DDX42: variants seen among roughly 807,000 people sequenced by gnomAD.
The protein encoded by DDX42 is ATP-dependent RNA helicase DDX42.
In DDX42, 22 loss-of-function variants were observed where a neutral mutation model predicts 101.5. The ratio of observed to expected loss-of-function variants is 0.22; its 90% CI spans 0.15 to 0.31. The LOEUF is 0.31. Ranked by LOEUF, DDX42 falls within the 10% of genes least tolerant of loss-of-function variation. The probability of loss-of-function intolerance (pLI) is 1.00; values close to 1 mark genes in which losing one functional copy is unlikely to be tolerated. For missense variants in DDX42, 849 were observed against 1,199.9 expected, an observed-to-expected ratio of 0.71 and a Z score of 4.32; for synonymous variants, 402 against 401.2, an observed-to-expected ratio of 1.00 and a Z score of -0.02.
intron 2 of DDX42, among the ~76,000 whole-genome samples, chr17:63,789,565 G>GTTTTTTTTTTTT (rs1567733082): frequency 2.8e-5 from 1 of 36,362 alleles, no homozygotes; most frequent in African/African-American, 1.9e-4. Context: ...TTTTGTTTTT[G>GTTTTTTTTTTTT]TTTTTGTTTT....
chr17:63,806,131 C>G (rs1377693669), intron 7 of DDX42: 1 of 154,860 alleles, frequency 6.5e-6, no homozygotes, highest in Non-Finnish European at 1.4e-5. Context: ...TTGGAGCCCA[C>G]TTGGAATTTT....
chr17:63,779,705 T>A (rs1177938501), intron 1 of DDX42, among the ~76,000 whole-genome samples: 2 of 152,242 alleles, frequency 1.3e-5, no homozygotes, highest in South Asian at 2.1e-4. Flanking sequence ...ACTCTTCTAC[T>A]CTGTGTCTCT....
At chr17:63,780,035 G>A (rs2144522076) in intron 1 of DDX42, among the ~76,000 whole-genome samples, 1 of 152,288 alleles carries the variant, frequency 6.6e-6, no homozygotes, top group South Asian at 2.1e-4. Context: ...GGTGGCTCAC[G>A]CCTGTAATCC....
chr17:63,800,619 T>TA lies in DDX42; in HGVS notation c.621+3dup, dbSNP rs2039751234. 6.2e-7 allele frequency: 1 copy of TA among 1,611,308 alleles called. No individual in the cohort carries two copies. Among genetic ancestry groups the TA allele is most frequent in the African/African-American group, 1.3e-5 (1 of 74,802 alleles). ...CTTCCCCCCATTGATCATTCAGAGG[T>TA]ATGGTGTTTCTTGCTGAATTTTACT... On this transcript the variant is annotated splice_region_variant and intron_variant, in intron 6 of 17. Transcript: ENST00000389924.
chr17:63,796,299 T>G (rs1275414725), intron 3 of DDX42, among the ~76,000 whole-genome samples: 1 of 152,206 alleles, frequency 6.6e-6, no homozygotes, highest in Non-Finnish European at 1.5e-5. Context: ...TAAATTCTTT[T>G]GCTTGGCCTT....
intron 7 of DDX42, chr17:63,806,293 T>G (rs2039839257): frequency 3.2e-6 from 1 of 315,246 alleles, no homozygotes; most frequent in Non-Finnish European, 5.6e-6. Flanking sequence ...GTTAAGAAAT[T>G]TTTAATCATT....
chr17:63,800,855 TA>T (rs2039754326), intron 6 of DDX42, among the ~76,000 whole-genome samples: 1 of 152,212 alleles, frequency 6.6e-6, no homozygotes, highest in Non-Finnish European at 1.5e-5. Context: ...CAAGTAATTG[TA>T]CTTGTTTTCC....
chr17:63,816,736 A>G (rs1320815688), intron 16 of DDX42, 132 bp from the exon 17 acceptor site: 1 of 543,220 alleles, frequency 1.8e-6, no homozygotes, highest in Non-Finnish European at 3.1e-6. Flanking sequence ...CTCACAAAGC[A>G]GTAGCAGCTT....
chr17:63,782,591 C>T (rs1229875207), intron 1 of DDX42, among the ~76,000 whole-genome samples: 1 of 152,170 alleles, frequency 6.6e-6, no homozygotes, highest in Non-Finnish European at 1.5e-5. Flanking sequence ...CCTTAGCTTC[C>T]ACACCAATTA....
intron 1 of DDX42, among the ~76,000 whole-genome samples, chr17:63,775,666 T>A (rs2039411755): frequency 6.6e-6 from 1 of 151,540 alleles, no homozygotes; most frequent in South Asian, 2.1e-4. Context: ...CCGTTAAGAG[T>A]GTGAAGACCA....
intron 1 of DDX42, among the ~76,000 whole-genome samples, chr17:63,779,287 G>A (rs908499650): frequency 2.0e-5 from 3 of 151,526 alleles, no homozygotes; most frequent in African/African-American, 7.3e-5. Context: ...TTTTTGAGAC[G>A]CAGTCTCACT....
chr17:63,777,730 G>C (rs2039438494), intron 1 of DDX42, among the ~76,000 whole-genome samples: 1 of 152,182 alleles, frequency 6.6e-6, no homozygotes, highest in Non-Finnish European at 1.5e-5. Context: ...TTACAGGCGT[G>C]AGCCACCGTG....
intron 16 of DDX42, chr17:63,816,590 G>T: frequency 3.9e-6 from 1 of 254,212 alleles, no homozygotes; most frequent in Non-Finnish European, 7.4e-6. Context: ...TTAATTAATT[G>T]GAAGTGTTTA....
intron 16 of DDX42, among the ~76,000 whole-genome samples, chr17:63,816,417 A>G (rs761458511): frequency 8.5e-5 from 13 of 152,236 alleles, no homozygotes; most frequent in Admixed American, 2.0e-4. Context: ...TAATCTTCAA[A>G]ATAACTGAAT....
rs1024857761 is a variant in DDX42, at chr17:63,818,182, C to G, written c.2601C>G (p.Ser867Arg). The G allele has an allele frequency of 5.6e-6, 9 of 1,613,668 alleles. No homozygotes were observed. Among genetic ancestry groups the G allele is most frequent in the Non-Finnish European group, 7.6e-6 (9 of 1,180,010 alleles). ...HRHGENRHGG[S>R]AGRHGENRGA... is the part of the protein sequence containing the mutation. ...ACGGGGAGAACAGACATGGAGGAAG[C>G]GCAGGCCGGCATGGGGAGAACCGGG... Residue 867 changes from serine (S) to arginine (R), a missense_variant, in exon 18 of 18, where the codon AGC becomes AGG. By Grantham distance (110) the Ser-to-Arg change is moderately radical. Around this residue, in one of 5 missense-constraint regions of DDX42, gnomAD observed 300 missense variants for 304.9 expected, o/e 0.98. Transcript: ENST00000389924.
chr17:63,798,896 C>G (rs1471955055), intron 4 of DDX42, among the ~76,000 whole-genome samples: 2 of 152,148 alleles, frequency 1.3e-5, no homozygotes, highest in African/African-American at 4.8e-5. Flanking sequence ...CTGCCCTGCA[C>G]TGGTGGTGTT....
intron 5 of DDX42, 75 bp downstream of exon 5, chr17:63,799,700 C>T: frequency 6.8e-7 from 1 of 1,468,046 alleles, no homozygotes; most frequent in Non-Finnish European, 9.2e-7. Flanking sequence ...TAGAGCTTGC[C>T]TTCACTCAAA....
intron 1 of DDX42, among the ~76,000 whole-genome samples, chr17:63,775,803 G>A (rs906455999): frequency 6.6e-6 from 1 of 152,146 alleles, no homozygotes; most frequent in Non-Finnish European, 1.5e-5. Flanking sequence ...TGAGGGTTTC[G>A]ATCAGAGGAA....
intron 1 of DDX42, among the ~76,000 whole-genome samples, chr17:63,775,801 T>C (rs1471210845): frequency 6.6e-6 from 1 of 152,170 alleles, no homozygotes; most frequent in Admixed American, 6.5e-5. Flanking sequence ...TCTGAGGGTT[T>C]CGATCAGAGG....
Sources: allele counts gnomAD v4.1 joint callset (sites outside exome capture counted in the v4.1 genomes callset), GRCh38; gene constraint gnomAD v4.1.1; regional missense constraint gnomAD v4.1.1; transcripts MANE v1.5; gene names NCBI Gene and HGNC (gene_info 2026-07-23, HGNC 2026-07-21).